PCBP3: variants seen among roughly 807,000 people sequenced by gnomAD.
PCBP3 encodes poly(rC)-binding protein 3.
PCBP3 carries 25 observed loss-of-function variants against 52.7 expected under a neutral mutation model. The ratio of observed to expected loss-of-function variants is 0.47; its 90% CI spans 0.35 to 0.66. The LOEUF (loss-of-function observed/expected upper bound fraction) is 0.66. PCBP3 is among the 30% of genes least tolerant of loss of function. The pLI, the probability that PCBP3 is intolerant of heterozygous loss-of-function variation, is 0.01. For synonymous variants in PCBP3, 162 were observed against 183.0 expected, an observed-to-expected ratio of 0.89 and a Z score of 0.93; for missense variants, 391 against 490.3, an observed-to-expected ratio of 0.80 and a Z score of 1.91.
chr21:45,804,326 A>G (rs939655872), intron 4 of PCBP3, among the ~76,000 whole-genome samples: 1 of 152,194 alleles, frequency 6.6e-6, no homozygotes, highest in Non-Finnish European at 1.5e-5. Flanking sequence ...TAAAAATGGT[A>G]TAAAATGTTT....
intron 4 of PCBP3, chr21:45,763,111 A>T (rs893028428): frequency 6.6e-6 from 1 of 152,278 alleles, no homozygotes; most frequent in Non-Finnish European, 1.5e-5. Context: ...CTGGAGCAGC[A>T]GTGCTCGGCG....
chr21:45,806,104 G>A (rs2146893584), intron 4 of PCBP3, among the ~76,000 whole-genome samples: 1 of 152,382 alleles, frequency 6.6e-6, no homozygotes, highest in South Asian at 2.1e-4. Context: ...GAGCAGGTGT[G>A]ATGTGTCTGA....
chr21:45,760,701 A>G (rs1333857613), intron 4 of PCBP3: 1 of 152,274 alleles, frequency 6.6e-6, no homozygotes, highest in East Asian at 1.9e-4. Context: ...GAACACAGAA[A>G]GATGAGAAAA....
intron 2 of PCBP3, among the ~76,000 whole-genome samples, chr21:45,712,071 C>A (rs572050100): frequency 1.3e-5 from 2 of 152,278 alleles, no homozygotes; most frequent in Admixed American, 1.3e-4. Context: ...GTCTTCATAT[C>A]TTGATAGTTC....
At chr21:45,654,373 G>C (rs1486023725) in intron 1 of PCBP3, among the ~76,000 whole-genome samples, 1 of 114,734 alleles carries the variant, frequency 8.7e-6, no homozygotes, top group Non-Finnish European at 1.7e-5. Flanking sequence ...ATGGAGTCTT[G>C]CTCTGTTGCC....
chr21:45,865,756 T>C (rs984765088), intron 5 of PCBP3, among the ~76,000 whole-genome samples: 3 of 152,322 alleles, frequency 2.0e-5, no homozygotes, highest in Admixed American at 2.0e-4. Flanking sequence ...CCCGGAGCTG[T>C]GGGCTCTGCT....
chr21:45,818,475 C>T (rs2093033281), intron 4 of PCBP3, among the ~76,000 whole-genome samples: 1 of 152,194 alleles, frequency 6.6e-6, no homozygotes, highest in South Asian at 2.1e-4. Flanking sequence ...CTCACTCCTC[C>T]CGTCCCTGAA....
chr21:45,650,912 A>G (rs898473462), intron 1 of PCBP3, among the ~76,000 whole-genome samples: 4 of 152,180 alleles, frequency 2.6e-5, no homozygotes, highest in African/African-American at 9.7e-5. Context: ...ACCTAATTTC[A>G]GATGGGGCGG....
chr21:45,850,542 T>G (rs1204652900), intron 5 of PCBP3, among the ~76,000 whole-genome samples: 1 of 152,142 alleles, frequency 6.6e-6, no homozygotes, highest in Non-Finnish European at 1.5e-5. Context: ...ATTAGTGCCG[T>G]GGCTTGAGCT....
In PCBP3 at chr21:45,909,558, G is replaced by C. The variant is rs1316803857; in HGVS notation, c.471+72G>C. 41 of 1,504,312 alleles carry C rather than the reference G, an allele frequency of 2.7e-5. No homozygotes were observed. The South Asian group carries it at 4.2e-4, about 15-fold the overall frequency. The allele number at this position is 1,504,312 out of a possible 1,614,324, so 93.2% of individuals were successfully genotyped here. On this transcript the variant is annotated intron_variant, in intron 10 of 17. Transcript: ENST00000681687. Reference sequence around the variant, plus strand: ...GCTGCGGGTGGTGGCCACAGGCCAGGCAGCCTTCCTGAGCCTTGTCCCTGC... The same window carrying C: ...GCTGCGGGTGGTGGCCACAGGCCAGCCAGCCTTCCTGAGCCTTGTCCCTGC...
chr21:45,869,992 A>AT (rs1267241544), intron 5 of PCBP3, among the ~76,000 whole-genome samples: 1 of 151,930 alleles, frequency 6.6e-6, no homozygotes. Flanking sequence ...TCAGACTTTA[A>AT]TTTTTTGTGT....
intron 4 of PCBP3, among the ~76,000 whole-genome samples, chr21:45,819,397 T>C (rs2093060612): frequency 6.6e-6 from 1 of 152,244 alleles, no homozygotes; most frequent in Non-Finnish European, 1.5e-5. Flanking sequence ...ATGTATTTGC[T>C]CTTCTCCCAA....
At chr21:45,901,769 A>T (rs113884594) in intron 9 of PCBP3, among the ~76,000 whole-genome samples, 1 of 140,684 alleles carries the variant, frequency 7.1e-6, no homozygotes, top group Admixed American at 7.1e-5. Flanking sequence ...AGACAGAGAG[A>T]GAGCGAGGGG....
At chr21:45,715,880 G>A (rs147300548) in intron 2 of PCBP3, among the ~76,000 whole-genome samples, 7 of 152,138 alleles carry the variant, frequency 4.6e-5, no homozygotes, top group African/African-American at 1.7e-4. Flanking sequence ...CTGGATACTA[G>A]TTCCTTATTA....
At chr21:45,849,840 C>A (rs1467403672) in intron 4 of PCBP3, 121 bp from the exon 5 acceptor site, 1 of 538,104 alleles carries the variant, frequency 1.9e-6, no homozygotes, top group Non-Finnish European at 3.4e-6. Context: ...GCCTTGTACT[C>A]GAATGCTGAA....
At position 45,853,061 on chromosome 21, in the gene PCBP3, AGGCATTG is replaced by A. The variant is rs1370703348; in HGVS notation, c.10+2969_10+2975del. On this transcript the variant is annotated intron_variant, in intron 5 of 17. Transcript: ENST00000681687. This position sits in a 1 kb window ranked among gnomAD's most constrained non-coding sequence, Gnocchi z 4.6. ...CAGGAGCGGGCAGTGGACTCGCACC[AGGCATTG>A]GGAGCAGATGCGGAAAGTGCACATG... Among the ~76,000 whole-genome samples, 19 of 152,224 alleles carry A rather than the reference AGGCATTG, an allele frequency of 1.2e-4. No homozygotes were observed. The highest frequency in any genetic ancestry group is 2.5e-4 in the Non-Finnish European group (17 of 68,036).
chr21:45,754,060 T>A (rs758418056), intron 3 of PCBP3, among the ~76,000 whole-genome samples: 8 of 152,224 alleles, frequency 5.3e-5, no homozygotes, highest in Non-Finnish European at 1.0e-4. Flanking sequence ...AACCTGTATT[T>A]TATTTTTAAT....
intron 1 of PCBP3, among the ~76,000 whole-genome samples, chr21:45,658,718 A>T (rs1423592952): frequency 6.6e-6 from 1 of 152,170 alleles, no homozygotes; most frequent in African/African-American, 2.4e-5. Context: ...ATGAGTTGGC[A>T]AGTGTCCGTT....
intron 2 of PCBP3, among the ~76,000 whole-genome samples, chr21:45,725,143 C>T (rs1038370880): frequency 1.3e-5 from 2 of 152,064 alleles, no homozygotes; most frequent in South Asian, 4.1e-4. Context: ...GTTTGCAAAC[C>T]AGTGGCAATG....
Sources: gnomAD v4.1 joint callset for allele counts (sites outside exome capture counted in the v4.1 genomes callset) on GRCh38, gnomAD v4.1.1 for gene constraint, Gnocchi (gnomAD v3.1) non-coding constraint, MANE v1.5 for transcripts, NCBI Gene and HGNC (gene_info 2026-07-23, HGNC 2026-07-21) for gene names.